MICU2: variants seen among roughly 807,000 people sequenced by gnomAD.
The protein encoded by MICU2 is mitochondrial calcium uptake 2, also known as calcium uptake protein 2, mitochondrial.
MICU2 carries 64 observed loss-of-function variants against 60.4 expected under a neutral mutation model. That is an observed-to-expected ratio of 1.06 (90% CI 0.87 to 1.31). The LOEUF (loss-of-function observed/expected upper bound fraction) is 1.31. MICU2 is among the 50% of genes most tolerant of loss of function. The pLI, the probability that MICU2 is intolerant of heterozygous loss-of-function variation, is 0.00. For synonymous variants in MICU2, 201 were observed against 175.0 expected, an observed-to-expected ratio of 1.15 and a Z score of -1.17; for missense variants, 569 against 531.0, an observed-to-expected ratio of 1.07 and a Z score of -0.70.
intron 4 of MICU2, among the ~76,000 whole-genome samples, chr13:21,526,189 A>G (rs1035089440): frequency 6.7e-6 from 1 of 149,250 alleles, no homozygotes; most frequent in Non-Finnish European, 1.5e-5. Context: ...CCTGGGCTCA[A>G]GTGATGCTCC....
At chr13:21,520,388 T>C (rs1232321933) in intron 6 of MICU2, among the ~76,000 whole-genome samples, 1 of 152,252 alleles carries the variant, frequency 6.6e-6, no homozygotes. Flanking sequence ...AACATTTGTG[T>C]ACCATTTTAT....
At chr13:21,559,738 T>C (rs1887794935) in intron 2 of MICU2, among the ~76,000 whole-genome samples, 1 of 152,164 alleles carries the variant, frequency 6.6e-6, no homozygotes, top group Non-Finnish European at 1.5e-5. Context: ...TTGGCCAGGC[T>C]GGTCTTGAAC....
chr13:21,587,942 A>G (rs1454067069), intron 1 of MICU2, among the ~76,000 whole-genome samples: 1 of 152,194 alleles, frequency 6.6e-6, no homozygotes, highest in Non-Finnish European at 1.5e-5. Context: ...TTTGAACTGC[A>G]TAGGTGGAGG....
chr13:21,511,085 G>A (rs530457097), intron 7 of MICU2, among the ~76,000 whole-genome samples: 10 of 152,216 alleles, frequency 6.6e-5, no homozygotes, highest in African/African-American at 2.4e-4. Context: ...GGGTGGAGTG[G>A]GCTGTGATCT....
At chr13:21,570,300 A>G (rs1390277657) in intron 1 of MICU2, among the ~76,000 whole-genome samples, 3 of 144,896 alleles carry the variant, frequency 2.1e-5, no homozygotes, top group Non-Finnish European at 4.8e-5. Context: ...ACGGTAGTAG[A>G]ATTTTAAAAG....
intron 1 of MICU2, among the ~76,000 whole-genome samples, chr13:21,594,867 C>T (rs9509810): frequency 0.4 from 61,349 of 151,768 alleles, 13,151 homozygotes; most frequent in East Asian, 0.65. Context: ...AACACACACC[C>T]GGGCCTGTTA....
intron 3 of MICU2, 77 bp from the exon 4 acceptor site, chr13:21,539,454 A>G (rs1266123090): frequency 1.4e-6 from 2 of 1,398,048 alleles, no homozygotes; most frequent in East Asian, 2.3e-5. Flanking sequence ...GCCCACCTCC[A>G]TAGCCGGCTA....
intron 2 of MICU2, among the ~76,000 whole-genome samples, chr13:21,551,134 C>T (rs990554830): frequency 2.0e-5 from 3 of 152,198 alleles, no homozygotes; most frequent in Non-Finnish European, 4.4e-5. Context: ...TGTGTACACA[C>T]TGACTCCCTT....
intron 1 of MICU2, among the ~76,000 whole-genome samples, chr13:21,588,104 C>T (rs112217961): frequency 7.9e-5 from 12 of 152,282 alleles, no homozygotes; most frequent in African/African-American, 1.2e-4. Context: ...CAACGTTCTG[C>T]GGACCACTAA....
rs191372140 is a variant in MICU2, at chr13:21,510,056, G to A, written c.709C>T (p.Arg237Cys). ...CTTTGTCCTCTTTTTCCAAAGAAAC[G>A]CATCTGAAGAGTTGTGTTAATTTCA... Reference protein sequence around the residue: ...EPEINTTLQMRFFGKRGQRKL... With the variant: ...EPEINTTLQMCFFGKRGQRKL... Residue 237 changes from arginine (R) to cysteine (C), a missense_variant, in exon 8 of 12, where the codon CGT becomes TGT. Physicochemically the swap from Arg to Cys is radical, Grantham distance 180. Coordinates refer to ENST00000382374, the MANE Select transcript of MICU2 (RefSeq NM_152726.3). The A allele has an allele frequency of 3.7e-5, 57 of 1,534,786 alleles. No homozygotes were observed. In the East Asian group the frequency reaches 8.7e-4, roughly 23 times the overall value.
intron 4 of MICU2, among the ~76,000 whole-genome samples, chr13:21,538,982 G>C (rs1744337298): frequency 6.6e-6 from 1 of 151,900 alleles, no homozygotes; most frequent in Non-Finnish European, 1.5e-5. Context: ...ACACTCTCCT[G>C]GCATTCCTCT....
intron 11 of MICU2, among the ~76,000 whole-genome samples, chr13:21,494,613 C>G (rs1040545529): frequency 6.6e-6 from 1 of 152,140 alleles, no homozygotes; most frequent in African/African-American, 2.4e-5. Context: ...CAAGATTAAG[C>G]AGTTAATAAA....
chr13:21,524,420 T>TA (rs893443008), intron 4 of MICU2, among the ~76,000 whole-genome samples: 6 of 151,776 alleles, frequency 4.0e-5, no homozygotes, highest in Non-Finnish European at 5.9e-5. Context: ...CCTGTATATC[T>TA]AAAAAAAACC....
Position 21,604,073 on chromosome 13 carries a change from G to T in MICU2, c.76C>A (p.Arg26=). The change falls in exon 1 of 12, where the codon CGA becomes AGA. Residue 26 remains arginine (R), a synonymous_variant. Transcript: ENST00000382374. The part of the protein sequence containing the change: ...GKLRRGLAVS[R]QAVRSPGPLA... ...GGGCCGGGACTCCGCACAGCCTGTC[G>T]GCTGACAGCGAGCCCCCGTCGCAGT... The T allele has an allele frequency of 6.2e-7, 1 of 1,600,294 alleles. No homozygotes were observed. Among genetic ancestry groups the T allele is most frequent in the South Asian group, 1.1e-5 (1 of 89,844 alleles).
intron 8 of MICU2, among the ~76,000 whole-genome samples, chr13:21,508,218 C>T (rs180751979): frequency 7.2e-5 from 11 of 151,984 alleles, no homozygotes; most frequent in African/African-American, 2.2e-4. Context: ...ATCTGCCTCC[C>T]GGGTTCACAC....
chr13:21,571,048 CGTGCTCTCTCT>C (rs1888096400), intron 1 of MICU2, among the ~76,000 whole-genome samples: 1 of 152,130 alleles, frequency 6.6e-6, no homozygotes, highest in African/African-American at 2.4e-5. Flanking sequence ...GTAACGTGTG[CGTGCTCTCTCT>C]TTTCCCAGTT....
At chr13:21,499,775 G>C (rs1388270762) in intron 9 of MICU2, among the ~76,000 whole-genome samples, 1 of 151,670 alleles carries the variant, frequency 6.6e-6, no homozygotes, top group Non-Finnish European at 1.5e-5. Context: ...TTATATCTTC[G>C]AGGATTTCAC....
intron 9 of MICU2, 180 bp downstream of exon 9, chr13:21,502,746 T>G (rs1886206667): frequency 2.2e-6 from 1 of 450,976 alleles, no homozygotes; most frequent in Admixed American, 6.8e-5. Context: ...ATTGCTACAC[T>G]GATTCTGTCT....
chr13:21,587,424 T>G (rs1888483265), intron 1 of MICU2, among the ~76,000 whole-genome samples: 1 of 152,336 alleles, frequency 6.6e-6, no homozygotes, highest in East Asian at 1.9e-4. Flanking sequence ...GAAATCTAAT[T>G]TGTTTACCTC....
Sources: allele counts gnomAD v4.1 joint callset (sites outside exome capture counted in the v4.1 genomes callset), GRCh38; gene constraint gnomAD v4.1.1; transcripts MANE v1.5; gene names NCBI Gene and HGNC (gene_info 2026-07-23, HGNC 2026-07-21).